ITGB6: variants seen among roughly 807,000 people sequenced by gnomAD.
ITGB6 encodes integrin subunit beta 6, also known as integrin beta-6.
A neutral mutation model predicts 84.5 loss-of-function variants in ITGB6; 80 were observed. The ratio of observed to expected loss-of-function variants is 0.95; its 90% CI spans 0.79 to 1.14. ITGB6 has a LOEUF of 1.14. Ranked by LOEUF, ITGB6 falls within the 50% of genes most tolerant of loss-of-function variation. The probability of loss-of-function intolerance (pLI) is 0.00; values close to 1 mark genes in which losing one functional copy is unlikely to be tolerated. For synonymous variants in ITGB6, 383 were observed against 354.9 expected (o/e 1.08, Z -0.89); for missense variants, 1,006 against 968.0 (o/e 1.04, Z -0.52).
In ITGB6 at chr2:160,107,700, T is replaced by G. The variant is rs1380314649; in HGVS notation, c.2247A>C (p.Arg749=). 1 of 1,614,070 alleles carries G rather than the reference T, an allele frequency of 6.2e-7. No individual in the cohort carries two copies. The highest frequency in any genetic ancestry group is 1.7e-5 in the Admixed American group (1 of 60,016). The stretch of plus-strand genomic sequence containing the variant: ...ATACCGTTTGCCACTTGGCTTTTGA[T>G]CGTTCTGCTTCAAATTTGGCAACTT... ...RKEVAKFEAE[R]SKAKWQTGTN... is the part of the protein sequence containing the mutation. Residue 749 remains arginine (R), a synonymous_variant, in exon 14 of 15, where the codon CGA becomes CGC. Coordinates refer to ENST00000283249, the MANE Select transcript of ITGB6 (RefSeq NM_000888.5).
At chr2:160,137,369 G>C in intron 10 of ITGB6, 65 bp downstream of exon 10, 1 of 1,480,972 alleles carries the variant, frequency 6.8e-7, no homozygotes, top group Non-Finnish European at 9.2e-7. Context: ...AAGGTGCAGA[G>C]GATGCCAAGC....
At chr2:160,175,172 C>A (rs1310092963) in intron 4 of ITGB6, among the ~76,000 whole-genome samples, 1 of 152,188 alleles carries the variant, frequency 6.6e-6, no homozygotes, top group Non-Finnish European at 1.5e-5. Context: ...CTTGGCTCTA[C>A]AGGTCCAGTA....
chr2:160,122,844 C>G (rs1254737083), intron 12 of ITGB6, among the ~76,000 whole-genome samples: 1 of 152,100 alleles, frequency 6.6e-6, no homozygotes, highest in Non-Finnish European at 1.5e-5. Flanking sequence ...GATTAATTTC[C>G]GTATTCTAAT....
At chr2:160,117,841 C>T (rs1329893044) in intron 12 of ITGB6, among the ~76,000 whole-genome samples, 9 of 152,232 alleles carry the variant, frequency 5.9e-5, no homozygotes, top group Non-Finnish European at 1.0e-4. Flanking sequence ...CTATCACCAC[C>T]GATCCCACAG....
At chr2:160,159,757 G>T (rs998849612) in intron 7 of ITGB6, among the ~76,000 whole-genome samples, 1 of 152,004 alleles carries the variant, frequency 6.6e-6, no homozygotes, top group Non-Finnish European at 1.5e-5. Flanking sequence ...TTCTGGAAAG[G>T]CACCTTCCAT....
At chr2:160,173,021 T>C (rs1162763692) in intron 5 of ITGB6, among the ~76,000 whole-genome samples, 1 of 152,178 alleles carries the variant, frequency 6.6e-6, no homozygotes, top group East Asian at 1.9e-4. Flanking sequence ...CAATTATTTT[T>C]ACTATCCAGC....
intron 7 of ITGB6, among the ~76,000 whole-genome samples, chr2:160,158,639 C>T (rs760041235): frequency 3.3e-5 from 5 of 151,994 alleles, no homozygotes; most frequent in East Asian, 3.9e-4. Flanking sequence ...GCAGGCCAAA[C>T]GGCAGGTAAT....
intron 7 of ITGB6, among the ~76,000 whole-genome samples, chr2:160,154,488 TG>T (rs1456006692): frequency 1.3e-5 from 2 of 152,086 alleles, no homozygotes; most frequent in Non-Finnish European, 2.9e-5. Flanking sequence ...ATGTAAATGA[TG>T]AGTTGATGGG....
chr2:160,193,608 G>C (rs1311178369), intron 4 of ITGB6, among the ~76,000 whole-genome samples: 1 of 152,208 alleles, frequency 6.6e-6, no homozygotes. Flanking sequence ...TTTTAGGCAT[G>C]TCAACTATAC....
In ITGB6 at chr2:160,137,466, G is replaced by T. The variant is rs765140343; in HGVS notation, c.1628C>A (p.Ser543Tyr). Residue 543 changes from serine to tyrosine, a missense_variant, in exon 10 of 15, where the codon TCC becomes TAC. Coordinates refer to ENST00000283249, the MANE Select transcript of ITGB6 (RefSeq NM_000888.5). ...GAGCAGCCCTTTGTGTCTCACGCAG[G>T]AGAAATTGTCACACTGGCAATAAGG... ...YGPYCQCDNF[S>Y]CVRHKGLLCG... 17 of 1,612,660 alleles carry T rather than the reference G, an allele frequency of 1.1e-5. No homozygotes were observed. Among genetic ancestry groups the T allele is most frequent in the Non-Finnish European group, 1.4e-5 (17 of 1,178,880 alleles).
Position 160,200,026 on chromosome 2 carries a change from A to G in ITGB6, c.38T>C (p.Leu13Pro). The G allele has an allele frequency of 6.2e-7, 1 of 1,613,870 alleles. No homozygotes were observed. The highest frequency in any genetic ancestry group is 8.5e-7 in the Non-Finnish European group (1 of 1,179,792). ...ACCTTGTACGTGATCATTCCTTCCT[A>G]GAAATAGAAAGAACAGGCAAAGCAG... ...IELLCLFFLF[L>P]GRNDHVQGGC... Residue 13 changes from leucine to proline, a missense_variant, in exon 1 of 15, where the codon CTA (leucine) becomes CCA (proline). Physicochemically the swap from Leu to Pro is moderately conservative, Grantham distance 98. Transcript: ENST00000283249.
intron 4 of ITGB6, among the ~76,000 whole-genome samples, chr2:160,190,518 C>T (rs977761107): frequency 3.9e-5 from 6 of 152,158 alleles, no homozygotes; most frequent in African/African-American, 1.4e-4. Context: ...GGTTAATCAC[C>T]ATGCGATACT....
chr2:160,136,654 A>T (rs997845872), intron 10 of ITGB6, among the ~76,000 whole-genome samples: 16 of 152,360 alleles, frequency 1.1e-4, no homozygotes, highest in African/African-American at 3.8e-4. Context: ...ACCAACCCAA[A>T]TGTCCAACAA....
chr2:160,160,406 GA>G (rs1321867066), intron 7 of ITGB6, among the ~76,000 whole-genome samples: 2 of 152,100 alleles, frequency 1.3e-5, no homozygotes, highest in African/African-American at 4.8e-5. Context: ...AAACTCTATA[GA>G]AAAAAGTGTG....
rs571407888 is a variant in ITGB6 at position 160,196,013 on chromosome 2, C to T, written c.346+203G>A. The stretch of plus-strand genomic sequence containing the variant: ...TTTAAATGGTTACTATTAGAGAAGG[C>T]TTTTTTAGTAACACAATTGGAGTGC... On this transcript the variant is annotated intron_variant, in intron 3 of 14. Transcript: ENST00000283249. 1.1e-4 allele frequency among the ~76,000 whole-genome samples: 16 copies of T among 152,156 alleles called. No homozygotes were observed. The South Asian group carries it at 3.3e-3, about 32-fold the overall frequency.
At chr2:160,192,576 G>A (rs1371984231) in intron 4 of ITGB6, among the ~76,000 whole-genome samples, 1 of 152,130 alleles carries the variant, frequency 6.6e-6, no homozygotes, top group East Asian at 1.9e-4. Flanking sequence ...AATTTCTTAG[G>A]ACATACAACA....
At chr2:160,167,390 A>C (rs569345300) in intron 7 of ITGB6, among the ~76,000 whole-genome samples, 1 of 152,336 alleles carries the variant, frequency 6.6e-6, no homozygotes, top group South Asian at 2.1e-4. Context: ...TGGAATGATG[A>C]GCCCATCAAA....
At chr2:160,157,766 A>AAT (rs1175412582) in intron 7 of ITGB6, among the ~76,000 whole-genome samples, 3 of 151,868 alleles carry the variant, frequency 2.0e-5, no homozygotes, top group Non-Finnish European at 2.9e-5. Flanking sequence ...AAAAAAAAAA[A>AAT]AAAATCCTAG....
At chr2:160,178,670 TTCTCTCTCTC>T (rs1169328146) in intron 4 of ITGB6, among the ~76,000 whole-genome samples, 4 of 126,412 alleles carry the variant, frequency 3.2e-5, no homozygotes, top group African/African-American at 1.0e-4. Flanking sequence ...CTCTCTATCT[TTCTCTCTCTC>T]TCTCTCTCTT....
Sources: allele counts gnomAD v4.1 joint callset (sites outside exome capture counted in the v4.1 genomes callset), GRCh38; gene constraint gnomAD v4.1.1; transcripts MANE v1.5; gene names NCBI Gene and HGNC (gene_info 2026-07-23, HGNC 2026-07-21).